Variants in PPP2R2B observed in about 807,000 individuals in gnomAD.
PPP2R2B encodes protein phosphatase 2 regulatory subunit Bbeta, also known as serine/threonine-protein phosphatase 2A 55 kDa regulatory subunit B beta isoform.
A neutral mutation model predicts 46.0 loss-of-function variants in PPP2R2B; 5 were observed. The ratio of observed to expected loss-of-function variants is 0.11; its 90% CI spans 0.06 to 0.23. The LOEUF (loss-of-function observed/expected upper bound fraction) is 0.23. PPP2R2B is among the 10% of genes least tolerant of loss of function. PPP2R2B has a pLI of 1.00. For synonymous variants in PPP2R2B, 215 were observed against 206.7 expected, an observed-to-expected ratio of 1.04 and a Z score of -0.34; for missense variants, 367 against 575.0, an observed-to-expected ratio of 0.64 and a Z score of 3.70.
intron 7 of PPP2R2B, among the ~76,000 whole-genome samples, chr5:146,635,859 T>G (rs940933320): frequency 1.3e-5 from 2 of 152,206 alleles, no homozygotes; most frequent in African/African-American, 4.8e-5. Flanking sequence ...CAAGTCAGAT[T>G]CAGTTCTTAT....
intron 2 of PPP2R2B, among the ~76,000 whole-genome samples, chr5:146,718,669 C>T (rs1022071163): frequency 6.6e-6 from 1 of 152,186 alleles, no homozygotes; most frequent in African/African-American, 2.4e-5. Flanking sequence ...CAGCCCTTGT[C>T]TAAACCAGTC....
chr5:146,929,536 G>GA (rs1488548141), intron 1 of PPP2R2B, among the ~76,000 whole-genome samples: 2 of 151,920 alleles, frequency 1.3e-5, no homozygotes, highest in East Asian at 3.9e-4. Context: ...AAGAAAAAAA[G>GA]AAAAAAATTG....
At chr5:146,897,672 G>T (rs1351287265) in intron 1 of PPP2R2B, among the ~76,000 whole-genome samples, 5 of 152,038 alleles carry the variant, frequency 3.3e-5, no homozygotes, top group African/African-American at 1.2e-4. Context: ...ACATATACTG[G>T]AGACAACAGG....
intron 2 of PPP2R2B, among the ~76,000 whole-genome samples, chr5:146,821,668 A>T (rs1758269654): frequency 6.6e-6 from 1 of 152,174 alleles, no homozygotes; most frequent in Admixed American, 6.6e-5. Context: ...AAGATAATAG[A>T]GTTGAAATTA....
intron 1 of PPP2R2B, among the ~76,000 whole-genome samples, chr5:146,961,341 G>A (rs1425774076): frequency 5.9e-5 from 9 of 152,192 alleles, no homozygotes; most frequent in Non-Finnish European, 7.3e-5. Context: ...GAATAGCTGA[G>A]CCAGTGGCAT....
chr5:146,893,251 T>C (rs1312911441), intron 1 of PPP2R2B, among the ~76,000 whole-genome samples: 1 of 152,238 alleles, frequency 6.6e-6, no homozygotes, highest in African/African-American at 2.4e-5. Flanking sequence ...ACAAAAATGA[T>C]TCCTGAGCAT....
At chr5:147,056,128 A>G, upstream of PPP2R2B, 1 of 1,049,462 alleles carries the variant, frequency 9.5e-7, no homozygotes, top group Non-Finnish European at 1.2e-6. Flanking sequence ...AGAGAAATCC[A>G]GCAGGATATG....
chr5:147,023,535 A>G (rs1436671319), intron 1 of PPP2R2B, among the ~76,000 whole-genome samples: 1 of 152,234 alleles, frequency 6.6e-6, no homozygotes, highest in Non-Finnish European at 1.5e-5. Flanking sequence ...AAGGACAGAA[A>G]AAGACCTATG....
chr5:146,933,745 A>C (rs1764045561), intron 1 of PPP2R2B, among the ~76,000 whole-genome samples: 1 of 150,630 alleles, frequency 6.6e-6, no homozygotes, highest in Non-Finnish European at 1.5e-5. Flanking sequence ...GGTTCGTTAC[A>C]TATGTATACA....
chr5:146,779,281 G>A (rs944636368), intron 2 of PPP2R2B, among the ~76,000 whole-genome samples: 1 of 152,152 alleles, frequency 6.6e-6, no homozygotes, highest in Non-Finnish European at 1.5e-5. Context: ...GACTGAAGGG[G>A]CTGGATGCTG....
At chr5:146,984,064 C>T (rs1000314875) in intron 1 of PPP2R2B, among the ~76,000 whole-genome samples, 101 of 152,216 alleles carry the variant, frequency 6.6e-4, no homozygotes, top group African/African-American at 2.3e-3. Context: ...TATCCATCCC[C>T]TCAAATACTT....
At chr5:146,936,362 C>T (rs1354597265) in intron 1 of PPP2R2B, among the ~76,000 whole-genome samples, 2 of 152,068 alleles carry the variant, frequency 1.3e-5, no homozygotes, top group South Asian at 2.1e-4. Flanking sequence ...TCCCACTCCC[C>T]CTCTGAGTGG....
chr5:147,005,711 CAGAG>C (rs760838706), intron 1 of PPP2R2B, among the ~76,000 whole-genome samples: 5 of 151,026 alleles, frequency 3.3e-5, no homozygotes, highest in Non-Finnish European at 7.4e-5. Context: ...AAGAAGAAGA[CAGAG>C]AGAGGAAGAG....
At chr5:146,847,625 G>A (rs574737992) in intron 2 of PPP2R2B, among the ~76,000 whole-genome samples, 7 of 152,262 alleles carry the variant, frequency 4.6e-5, no homozygotes, top group South Asian at 4.2e-4. Flanking sequence ...AAACCTAGGC[G>A]TGCACTAAGC....
At chr5:146,957,982 C>A (rs971624931) in intron 1 of PPP2R2B, among the ~76,000 whole-genome samples, 3 of 152,050 alleles carry the variant, frequency 2.0e-5, no homozygotes, top group Non-Finnish European at 2.9e-5. Flanking sequence ...ATAAAGTGAA[C>A]CTAGGACTGA....
chr5:146,648,106 TA>T (rs1425263748), intron 6 of PPP2R2B, among the ~76,000 whole-genome samples: 1 of 152,232 alleles, frequency 6.6e-6, no homozygotes, highest in Admixed American at 6.5e-5. Flanking sequence ...CTACATTTCC[TA>T]GGCTGCCTTG....
At chr5:146,897,458 G>T (rs915486940) in intron 1 of PPP2R2B, among the ~76,000 whole-genome samples, 1 of 152,110 alleles carries the variant, frequency 6.6e-6, no homozygotes, top group African/African-American at 2.4e-5. Context: ...CTGCATTTTG[G>T]AATTAGGGAC....
intron 1 of PPP2R2B, among the ~76,000 whole-genome samples, chr5:146,964,172 G>A (rs181517521): frequency 2.6e-5 from 4 of 152,148 alleles, no homozygotes; most frequent in Non-Finnish European, 5.9e-5. Context: ...GAGATTCCAC[G>A]GCTAAATACG....
chr5:146,659,311 A>G (rs461089), intron 5 of PPP2R2B, among the ~76,000 whole-genome samples: 150,391 of 152,344 alleles, frequency 0.99, 74,232 homozygotes, highest in East Asian at 1. Flanking sequence ...ATGCTTAGTT[A>G]CCTACTTTAA....
Sources: gnomAD v4.1 joint callset for allele counts (sites outside exome capture counted in the v4.1 genomes callset) on GRCh38, gnomAD v4.1.1 for gene constraint, MANE v1.5 for transcripts, NCBI Gene and HGNC (gene_info 2026-07-23, HGNC 2026-07-21) for gene names.